Variants in TAFA1 observed in about 807,000 individuals in gnomAD.
TAFA1 encodes the protein TAFA chemokine like family member 1.
TAFA1 carries 4 observed loss-of-function variants against 18.5 expected under a neutral mutation model. The ratio of observed to expected loss-of-function variants is 0.22; its 90% CI spans 0.11 to 0.49. The LOEUF (loss-of-function observed/expected upper bound fraction) is 0.49. Ranked by LOEUF, TAFA1 falls within the 20% of genes least tolerant of loss-of-function variation. TAFA1 has a pLI of 0.98. For missense variants in TAFA1, 147 were observed against 169.0 expected, an observed-to-expected ratio of 0.87 and a Z score of 0.72; for synonymous variants, 56 against 55.2, an observed-to-expected ratio of 1.01 and a Z score of -0.06.
intron 2 of TAFA1, among the ~76,000 whole-genome samples, chr3:68,197,092 A>G (rs2066419329): frequency 1.3e-5 from 2 of 151,766 alleles, no homozygotes; most frequent in Non-Finnish European, 2.9e-5. Context: ...AAGGCCTAGA[A>G]TCATGCTTTA....
intron 2 of TAFA1, among the ~76,000 whole-genome samples, chr3:68,106,552 G>A (rs1361938962): frequency 6.6e-6 from 1 of 152,064 alleles, no homozygotes; most frequent in East Asian, 1.9e-4. Flanking sequence ...CGATTTCTTA[G>A]GGTGAAAAAG....
At chr3:68,201,577 A>G (rs2066470209) in intron 2 of TAFA1, among the ~76,000 whole-genome samples, 1 of 151,828 alleles carries the variant, frequency 6.6e-6, no homozygotes, top group Admixed American at 6.6e-5. Flanking sequence ...AGGCACGTAG[A>G]TAAAGATTAT....
chr3:68,449,858 T>A (rs2071539913), intron 3 of TAFA1, among the ~76,000 whole-genome samples: 1 of 152,186 alleles, frequency 6.6e-6, no homozygotes, highest in Non-Finnish European at 1.5e-5. Flanking sequence ...GGAAAGTGAA[T>A]AAACAAAAGG....
At chr3:68,203,336 T>C (rs1016724786) in intron 2 of TAFA1, among the ~76,000 whole-genome samples, 1 of 151,786 alleles carries the variant, frequency 6.6e-6, no homozygotes, top group Admixed American at 6.6e-5. Context: ...TGTGGTTTGG[T>C]GTCTGACATT....
intron 2 of TAFA1, among the ~76,000 whole-genome samples, chr3:68,316,920 G>T (rs2068614594): frequency 6.6e-6 from 1 of 152,150 alleles, no homozygotes. Context: ...GACAAAAATA[G>T]CCCAATGCCT....
chr3:68,131,138 G>C (rs767152541), intron 2 of TAFA1, among the ~76,000 whole-genome samples: 2 of 152,160 alleles, frequency 1.3e-5, no homozygotes, highest in African/African-American at 4.8e-5. Flanking sequence ...GTCCCAGAGA[G>C]ATTGCCTGCA....
intron 2 of TAFA1, among the ~76,000 whole-genome samples, chr3:68,010,269 C>T (rs948284811): frequency 1.3e-5 from 2 of 152,142 alleles, no homozygotes; most frequent in African/African-American, 4.8e-5. Context: ...CTGTTCCTTG[C>T]ATGGTAATAT....
At chr3:68,342,393 A>G (rs2069099982) in intron 2 of TAFA1, among the ~76,000 whole-genome samples, 1 of 152,196 alleles carries the variant, frequency 6.6e-6, no homozygotes, top group African/African-American at 2.4e-5. Context: ...CAGCTCCGAA[A>G]GGCTGTGAAC....
intron 2 of TAFA1, among the ~76,000 whole-genome samples, chr3:68,079,338 T>C (rs1489588965): frequency 7.2e-5 from 11 of 152,200 alleles, no homozygotes; most frequent in Admixed American, 2.6e-4. Context: ...TTTTAGTTAG[T>C]TCTTGCCTTC....
chr3:68,376,022 T>C (rs1268729348), intron 2 of TAFA1, among the ~76,000 whole-genome samples: 2 of 152,204 alleles, frequency 1.3e-5, no homozygotes, highest in Non-Finnish European at 2.9e-5. Context: ...CCATCTACTC[T>C]GTTTTAAACT....
intron 2 of TAFA1, among the ~76,000 whole-genome samples, chr3:68,026,884 C>T (rs1704828066): frequency 6.6e-6 from 1 of 152,074 alleles, no homozygotes; most frequent in South Asian, 2.1e-4. Context: ...TTAATTGGTT[C>T]AGGGTTCTGC....
At chr3:68,115,822 G>T (rs1242007218) in intron 2 of TAFA1, among the ~76,000 whole-genome samples, 25 of 152,188 alleles carry the variant, frequency 1.6e-4, no homozygotes, top group Non-Finnish European at 4.4e-5. Context: ...CCTGCTCAAT[G>T]TAACTAGGGA....
intron 2 of TAFA1, among the ~76,000 whole-genome samples, chr3:68,014,703 T>C (rs1429631137): frequency 6.6e-6 from 1 of 152,210 alleles, no homozygotes; most frequent in Non-Finnish European, 1.5e-5. Context: ...AATTACCTTT[T>C]CTTATGTAAA....
chr3:68,502,403 A>G (rs1398068), intron 3 of TAFA1, among the ~76,000 whole-genome samples: 30,819 of 152,038 alleles, frequency 0.2, 3,216 homozygotes, highest in Middle Eastern at 0.24. Context: ...AACCTCAGCT[A>G]CCATGCCCAA....
chr3:68,536,817 T>G (rs2073285319), intron 3 of TAFA1, among the ~76,000 whole-genome samples: 1 of 152,192 alleles, frequency 6.6e-6, no homozygotes, highest in Non-Finnish European at 1.5e-5. Context: ...TTAGGGCTGC[T>G]TTATCAGAGG....
At chr3:68,075,698 CT>C (rs61592269) in intron 2 of TAFA1, among the ~76,000 whole-genome samples, 49,852 of 139,282 alleles carry the variant, frequency 0.36, 8,510 homozygotes, top group East Asian at 0.47. Context: ...TCTTCTTTCC[CT>C]TTTTTTTTTT....
intron 2 of TAFA1, among the ~76,000 whole-genome samples, chr3:68,262,268 T>G (rs1474422233): frequency 6.9e-6 from 1 of 143,972 alleles, no homozygotes; most frequent in Non-Finnish European, 1.5e-5. Context: ...TTAGGATTTT[T>G]TTTTTTTAAA....
chr3:68,289,788 G>A (rs1440105690), intron 2 of TAFA1, among the ~76,000 whole-genome samples: 4 of 152,158 alleles, frequency 2.6e-5, no homozygotes, highest in Admixed American at 2.0e-4. Flanking sequence ...TTTCAGCAAC[G>A]GGTTGAGTAA....
At position 68,134,546 on chromosome 3, in the gene TAFA1, G is replaced by C. The variant is rs115160506; in HGVS notation, c.118+127802G>C. Among the ~76,000 whole-genome samples, 1,076 of 152,252 alleles carry C rather than the reference G, an allele frequency of 7.1e-3. 11 individuals carry two copies. Among genetic ancestry groups the C allele is most frequent in the African/African-American group, 0.025 (1,035 of 41,542 alleles). The stretch of plus-strand genomic sequence containing the variant: ...TGGTTCTTACTGTCAGTCAGTGTCA[G>C]TGGCCTGCTGGAATCTGTCCAGGAT... On this transcript the variant is annotated intron_variant, in intron 2 of 4. Coordinates refer to ENST00000478136, the MANE Select transcript of TAFA1 (RefSeq NM_213609.4).
Sources: gnomAD v4.1 joint callset for allele counts (sites outside exome capture counted in the v4.1 genomes callset) on GRCh38, gnomAD v4.1.1 for gene constraint, MANE v1.5 for transcripts, NCBI Gene and HGNC (gene_info 2026-07-23, HGNC 2026-07-21) for gene names.